Variants in SYT9 observed in about 807,000 individuals in gnomAD.
SYT9 encodes the protein synaptotagmin-9.
A neutral mutation model predicts 48.4 loss-of-function variants in SYT9; 22 were observed. The ratio of observed to expected loss-of-function variants is 0.45; its 90% confidence interval spans 0.32 to 0.65. SYT9 has a LOEUF of 0.65. SYT9 is among the 30% of genes least tolerant of loss of function. The pLI is 0.03. For missense variants in SYT9, 577 were observed against 622.0 expected, an observed-to-expected ratio of 0.93 and a Z score of 0.77; for synonymous variants, 265 against 245.0, an observed-to-expected ratio of 1.08 and a Z score of -0.76.
Position 7,303,171 on chromosome 11 carries a change from A to G in SYT9, c.278A>G (p.Asp93Gly). The change falls in exon 2 of 7, where the codon GAC becomes GGC. Residue 93 changes from aspartate to glycine, a missense_variant. By Grantham distance (94) the Asp-to-Gly change is moderately conservative. Coordinates refer to ENST00000318881, the MANE Select transcript of SYT9 (RefSeq NM_175733.4). ...RERGLPSGSK[D>G]NNQEPLNYMD... ...CGAGGCCTGCCCTCTGGTAGCAAAG[A>G]CAACAACCAGGAGCCCCTTAACTAC... The G allele has an allele frequency of 6.2e-7, 1 of 1,614,140 alleles. No homozygotes were observed. The highest frequency in any genetic ancestry group is 8.5e-7 in the Non-Finnish European group (1 of 1,180,022).
chr11:7,453,748 G>A (rs1390162964), intron 6 of SYT9, among the ~76,000 whole-genome samples: 2 of 152,178 alleles, frequency 1.3e-5, no homozygotes, highest in Non-Finnish European at 2.9e-5. Context: ...CAGAGCAGAT[G>A]GCCAGCATGC....
chr11:7,429,076 A>G (rs567742242), intron 6 of SYT9, among the ~76,000 whole-genome samples: 10 of 152,208 alleles, frequency 6.6e-5, no homozygotes, highest in Non-Finnish European at 1.5e-4. Flanking sequence ...GATCCTGCCC[A>G]GTCCTGTGGG....
At chr11:7,260,715 T>A (rs1329653107) in intron 1 of SYT9, among the ~76,000 whole-genome samples, 1 of 152,210 alleles carries the variant, frequency 6.6e-6, no homozygotes, top group Non-Finnish European at 1.5e-5. Flanking sequence ...GGTAAGGTCC[T>A]AACAGATTGG....
intron 1 of SYT9, among the ~76,000 whole-genome samples, chr11:7,263,694 T>G (rs1848122035): frequency 6.6e-6 from 1 of 152,160 alleles, no homozygotes; most frequent in Non-Finnish European, 1.5e-5. Context: ...TCAAGTAAGA[T>G]GACAACCAAG....
chr11:7,313,033 A>G (rs1376857322), intron 2 of SYT9, among the ~76,000 whole-genome samples: 1 of 152,232 alleles, frequency 6.6e-6, no homozygotes, highest in East Asian at 1.9e-4. Flanking sequence ...TATTATATAT[A>G]AAGTTGAATA....
chr11:7,352,730 C>G (rs1849941669), intron 3 of SYT9, among the ~76,000 whole-genome samples: 2 of 152,110 alleles, frequency 1.3e-5, no homozygotes, highest in East Asian at 1.9e-4. Context: ...GCTGAAGTAG[C>G]AACACAGAGC....
At chr11:7,297,650 A>G (rs1848838628) in intron 1 of SYT9, among the ~76,000 whole-genome samples, 1 of 152,168 alleles carries the variant, frequency 6.6e-6, no homozygotes, top group African/African-American at 2.4e-5. Flanking sequence ...ACTTCAGTAC[A>G]GTTTCTCATG....
upstream of SYT9, among the ~76,000 whole-genome samples, chr11:7,250,103 A>C (rs10769772): frequency 1 from 152,330 of 152,330 alleles, 76,165 homozygotes; most frequent in Non-Finnish European, 1. Flanking sequence ...GCCAGTCTTC[A>C]CTCTCTCCTA....
intron 2 of SYT9, among the ~76,000 whole-genome samples, chr11:7,309,732 C>T (rs1016498513): frequency 2.0e-5 from 3 of 152,136 alleles, no homozygotes; most frequent in Admixed American, 6.5e-5. Flanking sequence ...TTCTCCTTTA[C>T]GCCCCTGGGG....
At chr11:7,448,999 G>C (rs908306472) in intron 6 of SYT9, among the ~76,000 whole-genome samples, 1 of 152,110 alleles carries the variant, frequency 6.6e-6, no homozygotes, top group Non-Finnish European at 1.5e-5. Context: ...AACCAGGGAG[G>C]AGAAGCCAAG....
chr11:7,308,903 G>A lies in SYT9; in HGVS notation c.498-4492G>A, dbSNP rs892157843. ...AGTTTAGGGACTAACCTAGAGCTGG[G>A]ACTAGTTAATTCACATCTGAGGAAA... On this transcript the variant is annotated intron_variant, in intron 2 of 6. Transcript: ENST00000318881. Among the ~76,000 whole-genome samples, 5 of 152,300 alleles carry A rather than the reference G, an allele frequency of 3.3e-5. No individual in the cohort carries two copies. The South Asian group carries it at 1.0e-3, about 32-fold the overall frequency.
chr11:7,260,018 T>A (rs1244326481), intron 1 of SYT9, among the ~76,000 whole-genome samples: 1 of 152,188 alleles, frequency 6.6e-6, no homozygotes, highest in Non-Finnish European at 1.5e-5. Flanking sequence ...CACTCCAACC[T>A]ACCCCACCCT....
intron 6 of SYT9, among the ~76,000 whole-genome samples, chr11:7,421,236 T>G (rs938155213): frequency 6.6e-6 from 1 of 152,226 alleles, no homozygotes; most frequent in African/African-American, 2.4e-5. Context: ...TCTTTCTGCC[T>G]CACAGTCCCA....
intron 1 of SYT9, among the ~76,000 whole-genome samples, chr11:7,285,013 G>A (rs1005412726): frequency 6.6e-6 from 1 of 151,964 alleles, no homozygotes; most frequent in South Asian, 2.1e-4. Flanking sequence ...TGGAGTTTGG[G>A]CATTGAGAAA....
At chr11:7,462,676 C>T (rs538946956) in intron 6 of SYT9, among the ~76,000 whole-genome samples, 16 of 152,156 alleles carry the variant, frequency 1.1e-4, no homozygotes, top group African/African-American at 2.7e-4. Flanking sequence ...TCAACAAAAT[C>T]CTGAGATTTT....
At chr11:7,334,252 A>G (rs1171345783) in intron 3 of SYT9, among the ~76,000 whole-genome samples, 1 of 152,178 alleles carries the variant, frequency 6.6e-6, no homozygotes, top group Admixed American at 6.5e-5. Flanking sequence ...GATTTTTAAG[A>G]CAAGAATAAG....
At chr11:7,254,154 T>C (rs1280517986) in intron 1 of SYT9, among the ~76,000 whole-genome samples, 1 of 152,192 alleles carries the variant, frequency 6.6e-6, no homozygotes, top group Admixed American at 6.5e-5. Context: ...GGAAATCTGA[T>C]TCCTTGGCGG....
intron 6 of SYT9, among the ~76,000 whole-genome samples, chr11:7,423,890 C>G (rs947396799): frequency 1.4e-4 from 21 of 152,190 alleles, no homozygotes; most frequent in African/African-American, 4.6e-4. Context: ...CTCTAAGAAC[C>G]TTTTAAATGT....
intron 1 of SYT9, among the ~76,000 whole-genome samples, chr11:7,282,691 T>C (rs1848519962): frequency 6.6e-6 from 1 of 152,142 alleles, no homozygotes; most frequent in Non-Finnish European, 1.5e-5. Context: ...GGGAAGTCCC[T>C]GAGAGGAGAA....
Sources: gnomAD v4.1 joint callset for allele counts (sites outside exome capture counted in the v4.1 genomes callset) on GRCh38, gnomAD v4.1.1 for gene constraint, MANE v1.5 for transcripts, NCBI Gene and HGNC (gene_info 2026-07-23, HGNC 2026-07-21) for gene names.